The following DOK5 variants were observed in gnomAD, a reference collection of about 807,000 sequenced individuals.
DOK5 encodes the protein docking protein 5.
Under a neutral mutation model 43.3 loss-of-function variants are expected in DOK5, and 27 were observed. The observed-to-expected ratio is 0.62, with a 90% CI of 0.46 to 0.86. The LOEUF is 0.86. DOK5 is among the 40% of genes least tolerant of loss of function. The pLI is 0.00. For missense variants in DOK5, 373 were observed against 392.9 expected (o/e 0.95, Z 0.43); for synonymous variants, 146 against 140.1 (o/e 1.04, Z -0.30).
At chr20:54,602,550 G>A (rs1986329543) in intron 5 of DOK5, among the ~76,000 whole-genome samples, 1 of 152,186 alleles carries the variant, frequency 6.6e-6, no homozygotes, top group African/African-American at 2.4e-5. Flanking sequence ...AAACATTTCA[G>A]TTGGATGCCG....
intron 1 of DOK5, among the ~76,000 whole-genome samples, chr20:54,522,825 T>C (rs913447114): frequency 1.3e-5 from 2 of 152,092 alleles, no homozygotes; most frequent in Non-Finnish European, 2.9e-5. Context: ...CAAAGTTGTT[T>C]TCTGAAGAGC....
At chr20:54,592,077 G>A (rs1018210743) in intron 5 of DOK5, among the ~76,000 whole-genome samples, 1 of 152,182 alleles carries the variant, frequency 6.6e-6, no homozygotes, top group South Asian at 2.1e-4. Flanking sequence ...ATCACAAACT[G>A]AAGTTGATCC....
intron 1 of DOK5, among the ~76,000 whole-genome samples, chr20:54,531,137 G>A (rs78286716): frequency 0.021 from 3,197 of 152,288 alleles, 117 homozygotes; most frequent in African/African-American, 0.074. Flanking sequence ...GGATTATGTT[G>A]CTTGCTTAGA....
intron 6 of DOK5, among the ~76,000 whole-genome samples, chr20:54,612,809 T>C (rs1378197016): frequency 1.3e-5 from 2 of 152,234 alleles, no homozygotes; most frequent in Non-Finnish European, 2.9e-5. Context: ...TCATACAGTG[T>C]TCAAGATCAT....
rs149508302 is a variant in DOK5 at position 54,531,827 on chromosome 20, C to G, written c.67-23106C>G. ...TGTTTTGTTTTGTGCTCACCATGAC[C>G]CAATTACTATAATTTGAGCAGTGCA... is the stretch of plus-strand genomic sequence containing the variant. On this transcript the variant is annotated intron_variant, in intron 1 of 7. Coordinates refer to ENST00000262593, the MANE Select transcript of DOK5 (RefSeq NM_018431.5). Among the ~76,000 whole-genome samples, 306 of 152,244 alleles carry G rather than the reference C, an allele frequency of 2.0e-3. 2 individuals are homozygous for G. The highest frequency in any genetic ancestry group is 7.1e-3 in the African/African-American group (295 of 41,528).
chr20:54,600,929 C>A (rs1383258887), intron 5 of DOK5, among the ~76,000 whole-genome samples: 1 of 152,172 alleles, frequency 6.6e-6, no homozygotes, highest in Non-Finnish European at 1.5e-5. Context: ...TTCTTTAAGA[C>A]TTTCTCAGGC....
At chr20:54,530,044 T>C (rs1192642783) in intron 1 of DOK5, among the ~76,000 whole-genome samples, 1 of 152,230 alleles carries the variant, frequency 6.6e-6, no homozygotes, top group Non-Finnish European at 1.5e-5. Context: ...AAGTTTAGCC[T>C]AAAGGTTTTT....
At chr20:54,591,043 G>T (rs1391490515) in intron 4 of DOK5, among the ~76,000 whole-genome samples, 4 of 152,192 alleles carry the variant, frequency 2.6e-5, no homozygotes, top group African/African-American at 9.6e-5. Flanking sequence ...GTTCTTTGTT[G>T]AAACTAGTTC....
At chr20:54,591,527 G>C (rs1182308779) in intron 4 of DOK5, 89 bp from the exon 5 acceptor site, 2 of 1,022,488 alleles carry the variant, frequency 2.0e-6, no homozygotes, top group Admixed American at 2.7e-5. Flanking sequence ...ATGTGAACTT[G>C]AATTGTTTTT....
chr20:54,505,080 C>T (rs547072727), intron 1 of DOK5, among the ~76,000 whole-genome samples: 13 of 152,176 alleles, frequency 8.5e-5, no homozygotes, highest in African/African-American at 3.1e-4. Context: ...CATCCCACAC[C>T]CCACTGCTCA....
chr20:54,633,449 C>G (rs560450454), intron 6 of DOK5, among the ~76,000 whole-genome samples: 21 of 152,110 alleles, frequency 1.4e-4, no homozygotes, highest in Non-Finnish European at 2.4e-4. Flanking sequence ...ACTGAGATGT[C>G]CCTTCTGACT....
chr20:54,491,913 A>G (rs1208773907), intron 1 of DOK5, among the ~76,000 whole-genome samples: 2 of 152,138 alleles, frequency 1.3e-5, no homozygotes, highest in Non-Finnish European at 2.9e-5. Flanking sequence ...TCTGGCAAAG[A>G]ATGGCAAAAA....
At position 54,604,015 on chromosome 20, in the gene DOK5, C is replaced by G. The variant is rs946012634; in HGVS notation, c.600-6373C>G. ...AGGCTGGAGTGCAGTGGCGCGATCT[C>G]GGCTCACTGCAAGCTCCGCCTCCCG... On this transcript the variant is annotated intron_variant, in intron 5 of 7. Transcript: ENST00000262593. 2.1e-5 allele frequency among the ~76,000 whole-genome samples: 3 copies of G among 140,484 alleles called. No individual in the cohort carries two copies. The Admixed American group carries it at 2.3e-4, about 11-fold the overall frequency. The allele number at this position is 140,484 out of a possible 152,430, so 92.2% of individuals were successfully genotyped here. A position where few individuals can be genotyped will look rare whatever the true frequency, so the allele number is the denominator to read the frequency against.
intron 6 of DOK5, among the ~76,000 whole-genome samples, chr20:54,630,275 A>T (rs886777999): frequency 6.6e-6 from 1 of 152,108 alleles, no homozygotes; most frequent in African/African-American, 2.4e-5. Flanking sequence ...GACCAATAGG[A>T]TTTGCTGATA....
At chr20:54,588,033 G>T (rs1018981837) in intron 2 of DOK5, among the ~76,000 whole-genome samples, 1 of 151,936 alleles carries the variant, frequency 6.6e-6, no homozygotes, top group Admixed American at 6.6e-5. Flanking sequence ...CCCTTCCTTG[G>T]GTTGATGTAT....
At position 54,613,192 on chromosome 20, in the gene DOK5, ATCTC is replaced by A. The variant is rs11468450; in HGVS notation, c.735+2692_735+2695del. Among the ~76,000 whole-genome samples the A allele has an allele frequency of 7.7e-4, 110 of 143,016 alleles. 1 individual carries two copies. The highest frequency in any genetic ancestry group is 2.3e-3 in the South Asian group (10 of 4,264). 93.8% of individuals were successfully genotyped at this position (143,016 alleles called of 152,430 possible). A position where few individuals can be genotyped will look rare whatever the true frequency, so the allele number is the denominator to read the frequency against. On this transcript the variant is annotated intron_variant, in intron 6 of 7. Coordinates refer to ENST00000262593, the MANE Select transcript of DOK5 (RefSeq NM_018431.5). ...CTAAGCCCATTTACATCTGCGCCTC[ATCTC>A]TCTCTCTCTCTCTCTCTCTCTCGTC...
At chr20:54,486,080 T>C (rs983282071) in intron 1 of DOK5, among the ~76,000 whole-genome samples, 2 of 152,252 alleles carry the variant, frequency 1.3e-5, no homozygotes, top group African/African-American at 4.8e-5. Flanking sequence ...GTCAGCCTAA[T>C]ATCCTGAAGA....
intron 6 of DOK5, among the ~76,000 whole-genome samples, chr20:54,619,998 T>C (rs982115180): frequency 2.0e-5 from 3 of 152,054 alleles, no homozygotes; most frequent in Non-Finnish European, 2.9e-5. Flanking sequence ...CACAAGAAAA[T>C]CTGTCTTTCC....
At position 54,650,673 on chromosome 20, in the gene DOK5, G is replaced by A. The variant is rs1010939832; in HGVS notation, c.*194G>A. ...TCTTTTTCTTTTTTAAATTCTTAGTGTAATTGAAACGTGCTCTATAGATAT... is the reference window on the plus strand; with the variant it reads ...TCTTTTTCTTTTTTAAATTCTTAGTATAATTGAAACGTGCTCTATAGATAT... On this transcript the variant is annotated 3_prime_UTR_variant, in exon 8 of 8. Transcript: ENST00000262593. The A allele has an allele frequency of 1.9e-6, 1 of 529,362 alleles. No homozygotes were observed. The highest frequency in any genetic ancestry group is 3.3e-6 in the Non-Finnish European group (1 of 303,038). The allele number at this position is 529,362 out of a possible 1,614,324, so 32.8% of individuals were successfully genotyped here.
Sources: gnomAD v4.1 joint callset for allele counts (sites outside exome capture counted in the v4.1 genomes callset) on GRCh38, gnomAD v4.1.1 for gene constraint, MANE v1.5 for transcripts, NCBI Gene and HGNC (gene_info 2026-07-23, HGNC 2026-07-21) for gene names.